VEPH1: variants seen among roughly 807,000 people sequenced by gnomAD.
VEPH1 encodes the protein ventricular zone-expressed PH domain-containing protein homolog 1.
In VEPH1, 80 loss-of-function variants were observed where a neutral mutation model predicts 85.2. The ratio of observed to expected loss-of-function variants is 0.94; its 90% CI spans 0.78 to 1.13. The LOEUF is 1.13. Among genes scored for constraint, VEPH1 ranks in the 50% most tolerant of loss-of-function variants. The pLI is 0.00. For synonymous variants in VEPH1, 297 were observed against 348.0 expected (o/e 0.85, Z 1.63); for missense variants, 955 against 980.5 (o/e 0.97, Z 0.35).
In VEPH1 at chr3:157,265,635, A is replaced by G; in HGVS notation, c.2156T>C (p.Ile719Thr). Residue 719 changes from isoleucine to threonine, a missense_variant, in exon 13 of 14, where the codon ATA becomes ACA. Physicochemically the swap from Ile to Thr is moderately conservative, Grantham distance 89 (BLOSUM62 -1). Transcript: ENST00000362010. Reference sequence around the variant, plus strand: ...TTGCTTCTCTTTAAGTTTTCCTTCTATGAGAGGCTGGCCATCTTGATTTAC... The same window carrying G: ...TTGCTTCTCTTTAAGTTTTCCTTCTGTGAGAGGCTGGCCATCTTGATTTAC... ...TVVNQDGQPLIEGKLKEKQVR... is the reference protein window; with the variant it reads ...TVVNQDGQPLTEGKLKEKQVR... 2 of 1,613,524 alleles carry G rather than the reference A, an allele frequency of 1.2e-6. No homozygotes were observed. Among genetic ancestry groups the G allele is most frequent in the Non-Finnish European group, 1.7e-6 (2 of 1,179,664 alleles).
At chr3:157,402,618 C>T (rs923704993) in intron 6 of VEPH1, among the ~76,000 whole-genome samples, 1 of 151,996 alleles carries the variant, frequency 6.6e-6, no homozygotes, top group Non-Finnish European at 1.5e-5. Flanking sequence ...ATGTTTAGAC[C>T]TTTATAGGAT....
chr3:157,266,389 GC>G (rs1467100952), intron 12 of VEPH1, among the ~76,000 whole-genome samples: 1 of 152,026 alleles, frequency 6.6e-6, no homozygotes, highest in Non-Finnish European at 1.5e-5. Context: ...CCTTTGGAAA[GC>G]CCTCTCCAAA....
intron 4 of VEPH1, among the ~76,000 whole-genome samples, chr3:157,457,151 G>T (rs1301801860): frequency 2.0e-5 from 3 of 152,062 alleles, no homozygotes; most frequent in South Asian, 2.1e-4. Context: ...TTGTAAATGG[G>T]ATTGCATTTC....
At chr3:157,420,747 C>G (rs1180802024) in intron 5 of VEPH1, among the ~76,000 whole-genome samples, 4 of 152,158 alleles carry the variant, frequency 2.6e-5, no homozygotes. Flanking sequence ...ATTCTCTCCT[C>G]TAGGGAACAG....
chr3:157,434,848 T>G (rs1733428629), intron 4 of VEPH1, among the ~76,000 whole-genome samples: 1 of 152,192 alleles, frequency 6.6e-6, no homozygotes, highest in Non-Finnish European at 1.5e-5. Context: ...TTGGTAGTTG[T>G]CCTTAAACTT....
chr3:157,277,404 C>T (rs1205306555), intron 12 of VEPH1, among the ~76,000 whole-genome samples: 1 of 152,166 alleles, frequency 6.6e-6, no homozygotes, highest in African/African-American at 2.4e-5. Flanking sequence ...ATCTGACAAG[C>T]TTGTGCCCCG....
chr3:157,265,427 G>GA, intron 13 of VEPH1, 99 bp downstream of exon 13: 1 of 1,347,964 alleles, frequency 7.4e-7, no homozygotes, highest in Non-Finnish European at 1.0e-6. Context: ...AATGGAGATG[G>GA]AAAAATTATT....
chr3:157,474,926 T>C (rs1008373144), intron 2 of VEPH1, among the ~76,000 whole-genome samples: 6 of 152,160 alleles, frequency 3.9e-5, no homozygotes, highest in African/African-American at 1.4e-4. Context: ...ACATGTGTTT[T>C]ATAGTCAAGT....
At chr3:157,310,394 A>G (rs1283894410) in intron 11 of VEPH1, among the ~76,000 whole-genome samples, 1 of 152,190 alleles carries the variant, frequency 6.6e-6, no homozygotes, top group Non-Finnish European at 1.5e-5. Context: ...AAACAGTGCT[A>G]TGAGGTAGGT....
chr3:157,427,313 T>C (rs1732827202), intron 5 of VEPH1, among the ~76,000 whole-genome samples: 3 of 151,838 alleles, frequency 2.0e-5, no homozygotes, highest in Non-Finnish European at 1.5e-5. Context: ...AGAGACAGGG[T>C]TTCACCATCT....
chr3:157,438,039 A>C, intron 4 of VEPH1: 1 of 436,400 alleles, frequency 2.3e-6, no homozygotes, highest in Non-Finnish European at 3.8e-6. Flanking sequence ...GCGCGCGCGC[A>C]CACACACACA....
At chr3:157,281,103 A>T (rs12637914) in intron 12 of VEPH1, among the ~76,000 whole-genome samples, 32,659 of 117,166 alleles carry the variant, frequency 0.28, 4,346 homozygotes, top group Admixed American at 0.48. Flanking sequence ...TGTGTGTGTG[A>T]GAGAGAGAGA....
intron 9 of VEPH1, among the ~76,000 whole-genome samples, chr3:157,342,331 A>T (rs1288151101): frequency 6.6e-6 from 1 of 152,200 alleles, no homozygotes; most frequent in Non-Finnish European, 1.5e-5. Context: ...ATGGAGGAAG[A>T]TCTACCAAGC....
chr3:157,338,915 A>G (rs1723231170), intron 9 of VEPH1, among the ~76,000 whole-genome samples: 1 of 152,170 alleles, frequency 6.6e-6, no homozygotes, highest in African/African-American at 2.4e-5. Flanking sequence ...CACTGTGTTG[A>G]GCACTTGCTT....
chr3:157,330,944 A>C (rs1722431662), intron 9 of VEPH1, among the ~76,000 whole-genome samples: 1 of 152,274 alleles, frequency 6.6e-6, no homozygotes, highest in East Asian at 1.9e-4. Flanking sequence ...GACCCACCCC[A>C]TCCTTTTGTT....
chr3:157,502,608 G>A (rs184513238), intron 1 of VEPH1, among the ~76,000 whole-genome samples: 85 of 152,204 alleles, frequency 5.6e-4, no homozygotes, highest in African/African-American at 1.9e-3. Flanking sequence ...TAAGTTTCAT[G>A]TACCAAATAT....
intron 6 of VEPH1, among the ~76,000 whole-genome samples, chr3:157,386,516 A>G (rs2108892271): frequency 6.6e-6 from 1 of 152,172 alleles, no homozygotes; most frequent in East Asian, 1.9e-4. Context: ...AGAAAGGGAG[A>G]GGAGTGATTT....
intron 12 of VEPH1, among the ~76,000 whole-genome samples, chr3:157,268,188 C>G (rs962695274): frequency 2.0e-5 from 3 of 152,198 alleles, no homozygotes; most frequent in African/African-American, 7.2e-5. Context: ...TGTGCAACCA[C>G]ATCTACAGAG....
chr3:157,408,635 T>A (rs1731310151), intron 6 of VEPH1, among the ~76,000 whole-genome samples: 1 of 152,142 alleles, frequency 6.6e-6, no homozygotes, highest in Non-Finnish European at 1.5e-5. Context: ...ATGACACATT[T>A]AAGGTACAAC....
Sources: gnomAD v4.1 joint callset for allele counts (sites outside exome capture counted in the v4.1 genomes callset) on GRCh38, gnomAD v4.1.1 for gene constraint, MANE v1.5 for transcripts, NCBI Gene and HGNC (gene_info 2026-07-23, HGNC 2026-07-21) for gene names.